The following FBLN7 variants were observed in gnomAD, a reference collection of about 807,000 sequenced individuals.
FBLN7 encodes fibulin 7.
Under a neutral mutation model 44.0 loss-of-function variants are expected in FBLN7, and 31 were observed. The observed-to-expected ratio is 0.70, with a 90% CI of 0.53 to 0.95. FBLN7 has a LOEUF of 0.95. Among genes scored for constraint, FBLN7 ranks in the 40% least tolerant of loss-of-function variants. The probability of loss-of-function intolerance (pLI) is 0.00; values close to 1 mark genes in which losing one functional copy is unlikely to be tolerated. For synonymous variants in FBLN7, 262 were observed against 253.4 expected (o/e 1.03, Z -0.32); for missense variants, 573 against 618.5 (o/e 0.93, Z 0.78).
At chr2:112,148,965 G>A (rs1408930749) in intron 1 of FBLN7, among the ~76,000 whole-genome samples, 2 of 152,202 alleles carry the variant, frequency 1.3e-5, no homozygotes, top group Non-Finnish European at 2.9e-5. Context: ...CTTGCATATG[G>A]CGTTGGCACA....
the FBLN7 span, among the ~76,000 whole-genome samples, chr2:112,244,252 T>C: frequency 6.6e-6 from 1 of 152,134 alleles, no homozygotes. Context: ...TAGAAGACAA[T>C]GGAGCAGTAA....
chr2:112,145,739 G>A (rs1381080024), intron 1 of FBLN7, among the ~76,000 whole-genome samples: 1 of 152,008 alleles, frequency 6.6e-6, no homozygotes, highest in Non-Finnish European at 1.5e-5. Context: ...TCATCTTGAG[G>A]GCCAATTTTT....
chr2:112,228,747 C>T, the FBLN7 span, among the ~76,000 whole-genome samples: 48 of 151,668 alleles, frequency 3.2e-4, no homozygotes, highest in East Asian at 8.3e-3. Context: ...AACTGTACGA[C>T]ATCAAAATGA....
chr2:112,142,768 T>TTGTGTGTGTG lies in FBLN7; in HGVS notation c.75+4044_75+4053dup, dbSNP rs60060928. 4.8e-3 allele frequency among the ~76,000 whole-genome samples: 734 copies of TTGTGTGTGTG among 151,450 alleles called. 11 individuals are homozygous for TTGTGTGTGTG. The South Asian group carries it at 0.063, about 13-fold the overall frequency. ...TAATATCATGAGCGTATGTGTGTGT[T>TTGTGTGTGTG]TGTGTGTGTGTGTGTCAATAGATGT... On this transcript the variant is annotated intron_variant, in intron 1 of 7. Transcript: ENST00000331203.
Position 112,144,172 on chromosome 2 carries a change from C to A in FBLN7, c.75+5442C>A, listed in dbSNP as rs568485774. On this transcript the variant is annotated intron_variant, in intron 1 of 7. Coordinates refer to ENST00000331203, the MANE Select transcript of FBLN7 (RefSeq NM_153214.3). ...AATGTCAAATCCTAGAAATATAGCTCTCCTACGCGTGATATTAACATCGCT... is the reference window on the plus strand; with the variant it reads ...AATGTCAAATCCTAGAAATATAGCTATCCTACGCGTGATATTAACATCGCT... 2.0e-5 allele frequency among the ~76,000 whole-genome samples: 3 copies of A among 152,292 alleles called. No homozygotes were observed. In the South Asian group the frequency reaches 6.2e-4, roughly 32 times the overall value.
At chr2:112,212,166 T>C in the FBLN7 span, 1 of 152,284 alleles carries the variant, frequency 6.6e-6, no homozygotes, top group African/African-American at 2.4e-5. Context: ...TTTCTTGCCG[T>C]GTCCTCACAT....
chr2:112,218,620 T>C, the FBLN7 span, among the ~76,000 whole-genome samples: 7 of 152,304 alleles, frequency 4.6e-5, no homozygotes, highest in South Asian at 2.1e-4. Context: ...TCCACTTATA[T>C]ATAGATTTCA....
the FBLN7 span, among the ~76,000 whole-genome samples, chr2:112,205,411 A>C: frequency 1.3e-5 from 2 of 151,758 alleles, no homozygotes; most frequent in African/African-American, 2.4e-5. Flanking sequence ...AGTAACTACT[A>C]AAAAAACTAT....
chr2:112,201,484 A>G, the FBLN7 span, among the ~76,000 whole-genome samples: 7 of 152,130 alleles, frequency 4.6e-5, no homozygotes, highest in African/African-American at 1.7e-4. Context: ...AGGCCTGCAC[A>G]TCTTATTTGA....
the FBLN7 span, among the ~76,000 whole-genome samples, chr2:112,218,988 G>A: frequency 2.6e-5 from 4 of 152,260 alleles, no homozygotes; most frequent in East Asian, 3.9e-4. Flanking sequence ...TCATGTTAAC[G>A]GACTGGAAGA....
chr2:112,237,294 G>A, the FBLN7 span, among the ~76,000 whole-genome samples: 2 of 152,130 alleles, frequency 1.3e-5, no homozygotes, highest in Non-Finnish European at 2.9e-5. Context: ...AAGTTCTAAG[G>A]CAGATCCTTT....
chr2:112,164,015 C>T (rs1682009297), intron 2 of FBLN7, among the ~76,000 whole-genome samples: 1 of 152,180 alleles, frequency 6.6e-6, no homozygotes, highest in Admixed American at 6.5e-5. Context: ...GCCCTGACCA[C>T]TGTATTCAAA....
At position 112,138,746 on chromosome 2, in the gene FBLN7, G is replaced by C. The variant is rs764199354; in HGVS notation, c.75+16G>C. 3.8e-6 allele frequency: 6 copies of C among 1,586,608 alleles called. No individual in the cohort carries two copies. Among genetic ancestry groups the C allele is most frequent in the Non-Finnish European group, 5.1e-6 (6 of 1,166,406 alleles). On this transcript the variant is annotated intron_variant, in intron 1 of 7. Transcript: ENST00000331203. ...GGCTTCCCAGGTCAGTGTCCCTCCC[G>C]CCTCTCTCCAGGCCAGTGTCCCTCC...
At chr2:112,239,539 C>T in the FBLN7 span, among the ~76,000 whole-genome samples, 2 of 144,462 alleles carry the variant, frequency 1.4e-5, no homozygotes, top group South Asian at 2.2e-4. Flanking sequence ...AGAAGAATCG[C>T]TATTATAAAA....
At position 112,165,137 on chromosome 2, in the gene FBLN7, T is replaced by C. The variant is rs758506697; in HGVS notation, c.372T>C (p.Asn124=). The C allele has an allele frequency of 1.9e-6, 3 of 1,614,086 alleles. No homozygotes were observed. The highest frequency in any genetic ancestry group is 2.5e-6 in the Non-Finnish European group (3 of 1,180,030). ...VGPSSVVCLP[N]GTWTGEQPHC... Reference sequence around the variant, plus strand: ...CCAGCAGCGTGGTGTGTCTTCCCAATGGCACCTGGACAGGGGAGCAGCCCC... The same window carrying C: ...CCAGCAGCGTGGTGTGTCTTCCCAACGGCACCTGGACAGGGGAGCAGCCCC... Residue 124 remains asparagine, a synonymous_variant, in exon 3 of 8, where the codon AAT becomes AAC. Coordinates refer to ENST00000331203, the MANE Select transcript of FBLN7 (RefSeq NM_153214.3).
At chr2:112,229,557 T>C in the FBLN7 span, among the ~76,000 whole-genome samples, 1 of 152,198 alleles carries the variant, frequency 6.6e-6, no homozygotes, top group Non-Finnish European at 1.5e-5. Flanking sequence ...GCTAGCCCAC[T>C]GGTCCCAGGA....
At chr2:112,172,093 C>G (rs1406117858) in intron 3 of FBLN7, among the ~76,000 whole-genome samples, 6 of 152,196 alleles carry the variant, frequency 3.9e-5, no homozygotes, top group Admixed American at 6.5e-5. Context: ...AAGTTTCAAA[C>G]ACACCAAACT....
the FBLN7 span, among the ~76,000 whole-genome samples, chr2:112,234,843 G>GATTAAAAACCGAAGTC: frequency 2.6e-5 from 4 of 151,966 alleles, no homozygotes; most frequent in Admixed American, 2.6e-4. Flanking sequence ...TAGTATTTAT[G>GATTAAAAACCGAAGTC]ATTAAAAACC....
At chr2:112,197,866 T>G in the FBLN7 span, among the ~76,000 whole-genome samples, 2 of 152,214 alleles carry the variant, frequency 1.3e-5, no homozygotes, top group Non-Finnish European at 2.9e-5. Flanking sequence ...ACTTTTTTCT[T>G]TTTCTATTTC....
Sources: gnomAD v4.1 joint callset for allele counts (sites outside exome capture counted in the v4.1 genomes callset) on GRCh38, gnomAD v4.1.1 for gene constraint, MANE v1.5 for transcripts, NCBI Gene and HGNC (gene_info 2026-07-23, HGNC 2026-07-21) for gene names.